Variants in SMARCAL1 observed in about 807,000 individuals in gnomAD.
The protein encoded by SMARCAL1 is ATP-driven annealing helicase.
A neutral mutation model predicts 94.5 loss-of-function variants in SMARCAL1; 58 were observed. The ratio of observed to expected loss-of-function variants is 0.61; its 90% CI spans 0.50 to 0.76. SMARCAL1 has a LOEUF of 0.76. Ranked by LOEUF, SMARCAL1 falls within the 30% of genes least tolerant of loss-of-function variation. The probability of loss-of-function intolerance (pLI) is 0.00; values close to 1 mark genes in which losing one functional copy is unlikely to be tolerated. For missense variants in SMARCAL1, 1,051 were observed against 1,177.9 expected, an observed-to-expected ratio of 0.89 and a Z score of 1.58; for synonymous variants, 422 against 455.1, an observed-to-expected ratio of 0.93 and a Z score of 0.93.
chr2:216,478,058 A>G, intron 16 of SMARCAL1, 145 bp from the exon 17 acceptor site: 1 of 755,380 alleles, frequency 1.3e-6, no homozygotes. Flanking sequence ...ATTTTTCAAG[A>G]TGGGTGTTTG....
intron 7 of SMARCAL1, among the ~76,000 whole-genome samples, chr2:216,431,146 A>G (rs921307967): frequency 6.6e-6 from 1 of 152,220 alleles, no homozygotes; most frequent in Non-Finnish European, 1.5e-5. Flanking sequence ...CCCACACTCT[A>G]CTGGCTTCGG....
chr2:216,477,100 G>C lies in SMARCAL1; in HGVS notation c.2428-9G>C. 6.4e-7 allele frequency: 1 copy of C among 1,562,698 alleles called. No individual in the cohort carries two copies. Among genetic ancestry groups the C allele is most frequent in the Non-Finnish European group, 8.7e-7 (1 of 1,153,480 alleles). ...CTTTACCTGCCTGTCTCAATTCCTG[G>C]ACACACAGGTGCTGATCCAGGCTGA... On this transcript the variant is annotated splice_polypyrimidine_tract_variant and intron_variant, in intron 15 of 17. Transcript: ENST00000357276.
At chr2:216,413,691 G>A (rs1199721815) in intron 1 of SMARCAL1, among the ~76,000 whole-genome samples, 165 bp from the exon 2 acceptor site, 1 of 151,836 alleles carries the variant, frequency 6.6e-6, no homozygotes, top group Non-Finnish European at 1.5e-5. Context: ...GAGTCAGTCA[G>A]TTGCTCCGTG....
At chr2:216,457,731 A>G (rs1321982660) in intron 12 of SMARCAL1, among the ~76,000 whole-genome samples, 1 of 152,246 alleles carries the variant, frequency 6.6e-6, no homozygotes, top group Non-Finnish European at 1.5e-5. Context: ...CACAAGAGAA[A>G]GCAGGAAAGA....
In SMARCAL1 at chr2:216,461,722, T is replaced by A. The variant is rs369855716; in HGVS notation, c.2071-2875T>A. On this transcript the variant is annotated intron_variant, in intron 12 of 17. Coordinates refer to ENST00000357276, the MANE Select transcript of SMARCAL1 (RefSeq NM_014140.4). ...GTGTGTACCTGTAGTCCCAGCTACT[T>A]GGGTAGGAGGCTGAGGTGGGAAGAT... 1.3e-4 allele frequency among the ~76,000 whole-genome samples: 19 copies of A among 151,702 alleles called. No individual in the cohort carries two copies. The East Asian group carries it at 3.5e-3, about 28-fold the overall frequency.
chr2:216,454,554 C>T (rs955240588), intron 12 of SMARCAL1, among the ~76,000 whole-genome samples: 10 of 152,232 alleles, frequency 6.6e-5, no homozygotes, highest in East Asian at 1.9e-4. Flanking sequence ...GCCTCAGTTT[C>T]CTAATCTGCA....
intron 2 of SMARCAL1, chr2:216,414,238 ACCTCTG>A (rs1403051228): frequency 1.9e-5 from 3 of 160,972 alleles, no homozygotes; most frequent in Admixed American, 6.0e-5. Context: ...GCTTACTGCA[ACCTCTG>A]CCTCCCAGGT....
Position 216,415,417 on chromosome 2 carries a change from A to C in SMARCAL1, c.713A>C (p.Lys238Thr). Residue 238 changes from lysine to threonine, a missense_variant, in exon 3 of 18, where the codon AAG (lysine) becomes ACG (threonine). This residue lies in a region of SMARCAL1 where 398 missense variants were observed against 395.2 expected (regional missense o/e 1.01). Transcript: ENST00000357276. Reference sequence around the variant, plus strand: ...GTCCAAAAAGGAGTGAACTCTCAGAAGGGAAAGTGCGTAAGGAACGGCGAT... The same window carrying C: ...GTCCAAAAAGGAGTGAACTCTCAGACGGGAAAGTGCGTAAGGAACGGCGAT... ...SSVQKGVNSQ[K>T]GKCVRNGDRF... 1 of 1,614,282 alleles carries C rather than the reference A, an allele frequency of 6.2e-7. No homozygotes were observed. Among genetic ancestry groups the C allele is most frequent in the Non-Finnish European group, 8.5e-7 (1 of 1,180,050 alleles).
intron 14 of SMARCAL1, among the ~76,000 whole-genome samples, chr2:216,474,564 G>A (rs1266567710): frequency 6.6e-6 from 1 of 151,316 alleles, no homozygotes; most frequent in East Asian, 2.0e-4. Context: ...AGACCAGCCT[G>A]GCCAACATAG....
chr2:216,463,211 A>AG (rs1404280586), intron 12 of SMARCAL1, among the ~76,000 whole-genome samples: 3 of 152,146 alleles, frequency 2.0e-5, no homozygotes, highest in South Asian at 4.1e-4. Context: ...AGGCACAAGA[A>AG]GGGGGGTGCA....
chr2:216,460,741 TG>T (rs1002166779), intron 12 of SMARCAL1, among the ~76,000 whole-genome samples: 1 of 150,110 alleles, frequency 6.7e-6, no homozygotes, highest in Non-Finnish European at 1.5e-5. Context: ...ATGTAAATGA[TG>T]AGTTAATGGG....
At chr2:216,464,509 G>A in intron 12 of SMARCAL1, 88 bp from the exon 13 acceptor site, 2 of 981,060 alleles carry the variant, frequency 2.0e-6, no homozygotes, top group East Asian at 2.4e-5. Context: ...GTTGAGATTT[G>A]TAAAGCGCAT....
chr2:216,450,498 T>C (rs527429326), intron 11 of SMARCAL1, among the ~76,000 whole-genome samples: 51 of 152,254 alleles, frequency 3.3e-4, no homozygotes, highest in Non-Finnish European at 6.3e-4. Context: ...TAGTATTTAG[T>C]GTACAGGAAT....
chr2:216,476,006 G>T (rs971628842), intron 15 of SMARCAL1, among the ~76,000 whole-genome samples: 1 of 152,024 alleles, frequency 6.6e-6, no homozygotes, highest in Admixed American at 6.6e-5. Flanking sequence ...TCCAGCCTGT[G>T]CCCCCTTTAG....
At chr2:216,442,916 T>C (rs1694227252) in intron 10 of SMARCAL1, among the ~76,000 whole-genome samples, 1 of 152,170 alleles carries the variant, frequency 6.6e-6, no homozygotes, top group Non-Finnish European at 1.5e-5. Flanking sequence ...GAGAGCAGTG[T>C]CAGCTGGCAG....
At position 216,438,412 on chromosome 2, in the gene SMARCAL1, C is replaced by G. The variant is rs1694124373; in HGVS notation, c.1645-8C>G. 1 of 1,613,244 alleles carries G rather than the reference C, an allele frequency of 6.2e-7. No individual in the cohort carries two copies. Among genetic ancestry groups the G allele is most frequent in the Non-Finnish European group, 8.5e-7 (1 of 1,179,360 alleles). ...ATCTTGTACACTTATGTGGCTACTT[C>G]TTTTCAGGATGAATCTCACTTCCTC... On this transcript the variant is annotated splice_polypyrimidine_tract_variant and splice_region_variant and intron_variant, in intron 9 of 17. Coordinates refer to ENST00000357276, the MANE Select transcript of SMARCAL1 (RefSeq NM_014140.4).
At chr2:216,463,221 A>C (rs902425944) in intron 12 of SMARCAL1, among the ~76,000 whole-genome samples, 1 of 152,174 alleles carries the variant, frequency 6.6e-6, no homozygotes, top group African/African-American at 2.4e-5. Flanking sequence ...AGGGGGGTGC[A>C]CCTGTACTAT....
chr2:216,476,632 G>A (rs1185031580), intron 15 of SMARCAL1, among the ~76,000 whole-genome samples: 4 of 152,160 alleles, frequency 2.6e-5, no homozygotes, highest in African/African-American at 7.2e-5. Flanking sequence ...TTATTATAAG[G>A]CTTACCACTA....
At position 216,453,995 on chromosome 2, in the gene SMARCAL1, C is replaced by T. The variant is rs942613398; in HGVS notation, c.2070+2931C>T. 2.6e-5 allele frequency among the ~76,000 whole-genome samples: 4 copies of T among 152,298 alleles called. 1 individual carries two copies. Among genetic ancestry groups the T allele is most frequent in the South Asian group, 4.1e-4 (2 of 4,822 alleles). ...CAGGCAAAGGAAAGCTGACTGTAAT[C>T]ATCTTTTGTCTAAAGCCATTTTTTC... On this transcript the variant is annotated intron_variant, in intron 12 of 17. Transcript: ENST00000357276.
Sources: gnomAD v4.1 joint callset for allele counts (sites outside exome capture counted in the v4.1 genomes callset) on GRCh38, gnomAD v4.1.1 for gene constraint, gnomAD v4.1.1 regional missense constraint, MANE v1.5 for transcripts, NCBI Gene and HGNC (gene_info 2026-07-23, HGNC 2026-07-21) for gene names.